Variants in ASRGL1 observed in about 807,000 individuals in gnomAD.
ASRGL1 encodes asparaginase and isoaspartyl peptidase 1, also known as isoaspartyl peptidase/L-asparaginase.
A neutral mutation model predicts 22.4 loss-of-function variants in ASRGL1; 16 were observed. That is an observed-to-expected ratio of 0.71 (90% CI 0.48 to 1.08). The LOEUF is 1.08. ASRGL1 is among the 50% of genes least tolerant of loss of function. ASRGL1 has a pLI of 0.00. For missense variants in ASRGL1, 412 were observed against 410.1 expected (o/e 1.00, Z -0.04); for synonymous variants, 165 against 159.3 (o/e 1.04, Z -0.27).
At position 62,357,415 on chromosome 11, in the gene ASRGL1, CAT is replaced by C. The variant is rs1491102226; in HGVS notation, c.491+272_491+273del. On this transcript the variant is annotated intron_variant, in intron 4 of 6. Transcript: ENST00000415229. ...CAGGCACACACCACTGCACCCGGCTCATTTTTTTTTTTTTTTTTTTTTTTTTA... is the reference window on the plus strand; with the variant it reads ...CAGGCACACACCACTGCACCCGGCTCTTTTTTTTTTTTTTTTTTTTTTTTA... Among the ~76,000 whole-genome samples the C allele has an allele frequency of 6.0e-5, 8 of 132,668 alleles. No homozygotes were observed. The South Asian group carries it at 2.0e-3, about 34-fold the overall frequency. 87.0% of individuals were successfully genotyped at this position (132,668 alleles called of 152,430 possible).
chr11:62,344,533 C>A (rs1333732422), intron 2 of ASRGL1, among the ~76,000 whole-genome samples: 1 of 149,618 alleles, frequency 6.7e-6, no homozygotes, highest in Non-Finnish European at 1.5e-5. Flanking sequence ...AGTTTTAGGT[C>A]TGTGATTCAC....
At position 62,346,108 on chromosome 11, in the gene ASRGL1, C is replaced by G. The variant is rs537439665; in HGVS notation, c.190+7941C>G. Among the ~76,000 whole-genome samples, 19 of 152,328 alleles carry G rather than the reference C, an allele frequency of 1.2e-4. No homozygotes were observed. The South Asian group carries it at 3.5e-3, about 28-fold the overall frequency. On this transcript the variant is annotated intron_variant, in intron 2 of 6. Coordinates refer to ENST00000415229, the MANE Select transcript of ASRGL1 (RefSeq NM_001083926.2). ...AGGTTCAGGGCTCAGTCCCGTAAGA[C>G]TGCTTCCCACTTCAGATGCCAATCT...
At chr11:62,393,840 G>A (rs531808588), downstream of ASRGL1, among the ~76,000 whole-genome samples, 20 of 151,592 alleles carry the variant, frequency 1.3e-4, no homozygotes, top group South Asian at 4.2e-4. Context: ...TCAAGGTGTC[G>A]GCCACGTTGG....
chr11:62,356,594 A>C, intron 3 of ASRGL1, 127 bp downstream of exon 3: 1 of 1,211,750 alleles, frequency 8.3e-7, no homozygotes. Context: ...AACAGATGCA[A>C]TGTATTTGAG....
At chr11:62,398,816 A>G in the ASRGL1 span, among the ~76,000 whole-genome samples, 1 of 152,162 alleles carries the variant, frequency 6.6e-6, no homozygotes, top group South Asian at 2.1e-4. Flanking sequence ...CACACCCTGG[A>G]TGCCTCATGA....
chr11:62,360,258 C>A (rs1350562761), intron 4 of ASRGL1, among the ~76,000 whole-genome samples: 2 of 151,622 alleles, frequency 1.3e-5, no homozygotes, highest in Non-Finnish European at 2.9e-5. Context: ...GAACTCCTGA[C>A]CTCAGGTGAT....
chr11:62,372,965 G>GGGCCCATCACCGAC (rs1247595399), intron 4 of ASRGL1: 10 of 1,470,038 alleles, frequency 6.8e-6, no homozygotes, highest in Non-Finnish European at 9.5e-6. Context: ...CCATCAGCTG[G>GGGCCCATCACCGAC]GGCCCATCAC....
chr11:62,372,242 G>A, intron 4 of ASRGL1: 2 of 1,476,274 alleles, frequency 1.4e-6, no homozygotes, highest in Non-Finnish European at 1.9e-6. Context: ...CGTGTGCGCG[G>A]AACCACACCT....
intron 4 of ASRGL1, among the ~76,000 whole-genome samples, chr11:62,362,039 A>G (rs1374157158): frequency 1.3e-5 from 2 of 152,154 alleles, no homozygotes; most frequent in Non-Finnish European, 2.9e-5. Context: ...TGGTTGGTAA[A>G]TGAGAGATGT....
chr11:62,382,892 C>T (rs1183926885), intron 4 of ASRGL1: 1 of 152,206 alleles, frequency 6.6e-6, no homozygotes, highest in African/African-American at 2.4e-5. Context: ...TTTAACAAAG[C>T]ACAGCCTGCA....
At chr11:62,372,633 CTGG>C in intron 4 of ASRGL1, 1 of 908,468 alleles carries the variant, frequency 1.1e-6, no homozygotes, top group Non-Finnish European at 1.9e-6. Flanking sequence ...TAACCACATG[CTGG>C]TCCTGGACTC....
Position 62,337,994 on chromosome 11 carries a change from T to G in ASRGL1, c.17T>G (p.Val6Gly), listed in dbSNP as rs541666738. The G allele has an allele frequency of 6.2e-7, 1 of 1,601,456 alleles. No homozygotes were observed. The highest frequency in any genetic ancestry group is 1.3e-5 in the African/African-American group (1 of 74,934). The change falls in exon 2 of 7, where the codon GTG (valine) becomes GGG (glycine). Residue 6 changes from valine (V) to glycine (G), a missense_variant. Physicochemically the swap from Val to Gly is moderately radical, Grantham distance 109. Transcript: ENST00000415229. The part of the protein sequence containing the change: MNPIV[V>G]VHGGGAGPIS... ...TCCGCCGACATGAATCCCATCGTAG[T>G]GGTCCACGGCGGCGGAGCCGGTCCC...
intron 2 of ASRGL1, among the ~76,000 whole-genome samples, chr11:62,353,399 C>T (rs1350059253): frequency 6.1e-5 from 9 of 146,870 alleles, no homozygotes; most frequent in Middle Eastern, 3.3e-3. Context: ...GGCTGGAGTA[C>T]GGTGGTGTGA....
chr11:62,372,379 C>T (rs1157254303), intron 4 of ASRGL1: 23 of 1,558,100 alleles, frequency 1.5e-5, no homozygotes, highest in Non-Finnish European at 2.0e-5. Flanking sequence ...CTGCCAATTA[C>T]CAAAATGGCC....
intron 5 of ASRGL1, among the ~76,000 whole-genome samples, chr11:62,390,257 A>G (rs931741103): frequency 6.6e-6 from 1 of 152,238 alleles, no homozygotes; most frequent in African/African-American, 2.4e-5. Flanking sequence ...AATCTTGACA[A>G]GAAAAGGCAT....
rs562964540 is a variant in ASRGL1 at position 62,375,883 on chromosome 11, G to A, written c.492-13250G>A. On this transcript the variant is annotated intron_variant, in intron 4 of 6. Transcript: ENST00000415229. ...TCCCAGCACTTTGGGAGGCCGAGGC[G>A]GGTGGATCACGAGATCAAGACCAGC... Among the ~76,000 whole-genome samples, 146 of 151,688 alleles carry A rather than the reference G, an allele frequency of 9.6e-4. 1 individual carries two copies. The highest frequency in any genetic ancestry group is 3.3e-3 in the African/African-American group (136 of 41,316).
In ASRGL1 at chr11:62,392,599, A is replaced by C. The variant is rs1242844092; in HGVS notation, c.*315A>C. ...AAAAAAAAAAAAGAAAAGGGAAAAA[A>C]GAAAGAAAGCAGCAGCATGATCCTG... On this transcript the variant is annotated 3_prime_UTR_variant, in exon 7 of 7. Transcript: ENST00000415229. 2.6e-6 allele frequency: 1 copy of C among 388,370 alleles called. No homozygotes were observed. Among genetic ancestry groups the C allele is most frequent in the Non-Finnish European group, 4.8e-6 (1 of 210,184 alleles). 24.1% of individuals were successfully genotyped at this position (388,370 alleles called of 1,614,324 possible).
At position 62,356,978 on chromosome 11, in the gene ASRGL1, C is replaced by G; in HGVS notation, c.334-9C>G. On this transcript the variant is annotated splice_polypyrimidine_tract_variant and intron_variant, in intron 3 of 6. Transcript: ENST00000415229. ...AAAACAATCATTTTCTCTTTTCTTTCTGGCTCAGACACCTCATTGCTTTCT... is the reference window on the plus strand; with the variant it reads ...AAAACAATCATTTTCTCTTTTCTTTGTGGCTCAGACACCTCATTGCTTTCT... 1.3e-6 allele frequency: 2 copies of G among 1,570,094 alleles called. No homozygotes were observed. The highest frequency in any genetic ancestry group is 1.7e-6 in the Non-Finnish European group (2 of 1,165,434).
At chr11:62,369,658 C>G (rs928865506) in intron 4 of ASRGL1, among the ~76,000 whole-genome samples, 3 of 152,140 alleles carry the variant, frequency 2.0e-5, no homozygotes, top group African/African-American at 7.2e-5. Flanking sequence ...TCAGGAACTG[C>G]TGATTGCCTC....
Sources: gnomAD v4.1 joint callset for allele counts (sites outside exome capture counted in the v4.1 genomes callset) on GRCh38, gnomAD v4.1.1 for gene constraint, MANE v1.5 for transcripts, NCBI Gene and HGNC (gene_info 2026-07-23, HGNC 2026-07-21) for gene names.